HCN1: variants seen among roughly 807,000 people sequenced by gnomAD.
HCN1 encodes the protein potassium/sodium hyperpolarization-activated cyclic nucleotide-gated channel 1.
A neutral mutation model predicts 78.9 loss-of-function variants in HCN1; 13 were observed. The observed-to-expected ratio is 0.16, with a 90% CI of 0.11 to 0.26. The LOEUF is 0.26. Among genes scored for constraint, HCN1 ranks in the 10% least tolerant of loss-of-function variants. The probability of loss-of-function intolerance (pLI) is 1.00; values close to 1 mark genes in which losing one functional copy is unlikely to be tolerated. For synonymous variants in HCN1, 552 were observed against 455.5 expected, an observed-to-expected ratio of 1.21 and a Z score of -2.70; for missense variants, 810 against 1,154.3, an observed-to-expected ratio of 0.70 and a Z score of 4.32.
At chr5:45,334,696 G>T (rs972023809) in intron 5 of HCN1, among the ~76,000 whole-genome samples, 3 of 151,950 alleles carry the variant, frequency 2.0e-5, no homozygotes, top group Admixed American at 2.0e-4. Flanking sequence ...ATGCAGAGAT[G>T]CATGGACAAC....
At chr5:45,372,303 T>A (rs1200573084) in intron 4 of HCN1, among the ~76,000 whole-genome samples, 12 of 96,404 alleles carry the variant, frequency 1.2e-4, no homozygotes, top group African/African-American at 4.7e-4. Flanking sequence ...ATATATAATA[T>A]ATAATATGTG....
In HCN1 at chr5:45,255,326, T is replaced by G. The variant is rs1186397403; in HGVS notation, c.*6595A>C. 6.6e-6 allele frequency: 1 copy of G among 152,232 alleles called. No individual in the cohort carries two copies. The highest frequency in any genetic ancestry group is 1.9e-4 in the East Asian group (1 of 5,190). The allele number at this position is 152,232 out of a possible 1,614,324, so 9.4% of individuals were successfully genotyped here. On this transcript the variant is annotated 3_prime_UTR_variant, in exon 8 of 8. Transcript: ENST00000303230. ...TCATCTCCAGAAATGTCTTCACACT[T>G]GGAAGTTCCCTTAAAAAGCCCTTAA...
rs749230086 is a variant in HCN1 at position 45,461,897 on chromosome 5, T to G, written c.960A>C (p.Pro320=). The part of the protein sequence containing the change: ...HWDGCLQFLV[P]LLQDFPPDCW... ...AATCTGGTGGGAAGTCCTGCAGTAG[T>G]GGTACTAAGAACTGAAGACAACCAT... Residue 320 remains proline (P), a synonymous_variant, in exon 3 of 8, where the codon CCA becomes CCC. Coordinates refer to ENST00000303230, the MANE Select transcript of HCN1 (RefSeq NM_021072.4). 6.2e-7 allele frequency: 1 copy of G among 1,613,340 alleles called. No homozygotes were observed. Among genetic ancestry groups the G allele is most frequent in the East Asian group, 2.2e-5 (1 of 44,846 alleles).
chr5:45,304,687 A>T (rs1262931849), intron 5 of HCN1, among the ~76,000 whole-genome samples: 3 of 152,144 alleles, frequency 2.0e-5, no homozygotes, highest in Admixed American at 6.6e-5. Context: ...AAAGATTAAA[A>T]AAATAAAATT....
At chr5:45,327,985 C>G (rs1746269406) in intron 5 of HCN1, among the ~76,000 whole-genome samples, 1 of 151,606 alleles carries the variant, frequency 6.6e-6, no homozygotes, top group African/African-American at 2.4e-5. Context: ...ACTAATACAG[C>G]AAGTTAGGCT....
At chr5:45,400,903 T>C (rs1237649293) in intron 3 of HCN1, among the ~76,000 whole-genome samples, 1 of 152,074 alleles carries the variant, frequency 6.6e-6, no homozygotes, top group Non-Finnish European at 1.5e-5. Flanking sequence ...CCCACAAAAA[T>C]GAATCCTATT....
chr5:45,275,602 A>G (rs1398830265), intron 6 of HCN1, among the ~76,000 whole-genome samples: 2 of 152,120 alleles, frequency 1.3e-5, no homozygotes, highest in Non-Finnish European at 2.9e-5. Context: ...TCAGCTTTAC[A>G]TAATACTGTT....
intron 6 of HCN1, among the ~76,000 whole-genome samples, chr5:45,281,656 C>T (rs1255161337): frequency 1.5e-5 from 2 of 130,928 alleles, no homozygotes; most frequent in Admixed American, 9.5e-5. Flanking sequence ...GGCATGATCT[C>T]GGCTCACTGT....
intron 1 of HCN1, among the ~76,000 whole-genome samples, chr5:45,646,056 A>T (rs1401758130): frequency 3.3e-5 from 5 of 152,084 alleles, no homozygotes; most frequent in African/African-American, 1.2e-4. Context: ...TTAGAAAAAA[A>T]AACCCAGAAA....
At chr5:45,527,784 A>G (rs1440235513) in intron 2 of HCN1, among the ~76,000 whole-genome samples, 1 of 151,954 alleles carries the variant, frequency 6.6e-6, no homozygotes, top group Non-Finnish European at 1.5e-5. Flanking sequence ...CAGACAGAAC[A>G]TGTTGTATTA....
chr5:45,313,215 C>T (rs1313242478), intron 5 of HCN1, among the ~76,000 whole-genome samples: 3 of 152,106 alleles, frequency 2.0e-5, no homozygotes, highest in South Asian at 2.1e-4. Context: ...CACCAATATT[C>T]GATGTTCTGC....
intron 2 of HCN1, among the ~76,000 whole-genome samples, chr5:45,566,189 A>G (rs1743704364): frequency 6.6e-6 from 1 of 152,164 alleles, no homozygotes; most frequent in Admixed American, 6.6e-5. Flanking sequence ...CCAGTATAAT[A>G]CCACCTTAAT....
intron 2 of HCN1, among the ~76,000 whole-genome samples, chr5:45,560,926 C>A (rs1743586549): frequency 6.6e-6 from 1 of 152,050 alleles, no homozygotes; most frequent in African/African-American, 2.4e-5. Context: ...GGAAATAAAA[C>A]CTCTTTACAA....
intron 1 of HCN1, among the ~76,000 whole-genome samples, chr5:45,682,791 A>C (rs1739728332): frequency 6.6e-6 from 1 of 152,094 alleles, no homozygotes. Flanking sequence ...GATATGAGAA[A>C]TAGATGATAA....
intron 3 of HCN1, among the ~76,000 whole-genome samples, chr5:45,423,740 G>A (rs904576389): frequency 1.3e-5 from 2 of 152,058 alleles, no homozygotes; most frequent in African/African-American, 2.4e-5. Context: ...AGGACTTCTC[G>A]CAGTGCCTAC....
At chr5:45,459,551 A>T (rs1741101773) in intron 3 of HCN1, among the ~76,000 whole-genome samples, 1 of 152,062 alleles carries the variant, frequency 6.6e-6, no homozygotes, top group South Asian at 2.1e-4. Context: ...GAACACACAC[A>T]TTTGAGCACA....
chr5:45,693,294 G>A (rs1739948958), intron 1 of HCN1, among the ~76,000 whole-genome samples: 1 of 151,642 alleles, frequency 6.6e-6, no homozygotes, highest in South Asian at 2.1e-4. Context: ...TATTCTGAAT[G>A]TAAACAAGTA....
At chr5:45,593,805 G>T (rs1412311207) in intron 2 of HCN1, among the ~76,000 whole-genome samples, 1 of 151,980 alleles carries the variant, frequency 6.6e-6, no homozygotes, top group Non-Finnish European at 1.5e-5. Flanking sequence ...CTCCTGAGTA[G>T]CTGGAATTAC....
intron 3 of HCN1, among the ~76,000 whole-genome samples, chr5:45,454,587 G>T (rs1251351069): frequency 6.6e-6 from 1 of 151,838 alleles, no homozygotes; most frequent in Non-Finnish European, 1.5e-5. Context: ...CTAAGCCATA[G>T]AAATTCAAAT....
Sources: allele counts gnomAD v4.1 joint callset (sites outside exome capture counted in the v4.1 genomes callset), GRCh38; gene constraint gnomAD v4.1.1; transcripts MANE v1.5; gene names NCBI Gene and HGNC (gene_info 2026-07-23, HGNC 2026-07-21).